The following STAB2 variants were observed in gnomAD, a reference collection of about 807,000 sequenced individuals.
STAB2 encodes the protein stabilin 2.
In STAB2, 288 loss-of-function variants were observed where a neutral mutation model predicts 338.1. The ratio of observed to expected loss-of-function variants is 0.85; its 90% CI spans 0.77 to 0.94. The LOEUF is 0.94. Ranked by LOEUF, STAB2 falls within the 40% of genes least tolerant of loss-of-function variation. The probability of loss-of-function intolerance (pLI) is 0.00; values close to 1 mark genes in which losing one functional copy is unlikely to be tolerated. For missense variants in STAB2, 3,141 were observed against 3,210.1 expected, an observed-to-expected ratio of 0.98 and a Z score of 0.52; for synonymous variants, 1,202 against 1,193.3, an observed-to-expected ratio of 1.01 and a Z score of -0.15.
intron 3 of STAB2, among the ~76,000 whole-genome samples, chr12:103,613,366 C>A (rs927860151): frequency 6.6e-6 from 1 of 152,198 alleles, no homozygotes. Flanking sequence ...CTTTGTTTAC[C>A]TGCTGAAGCC....
intron 3 of STAB2, among the ~76,000 whole-genome samples, chr12:103,609,711 C>T (rs1957091237): frequency 6.6e-6 from 1 of 152,130 alleles, no homozygotes; most frequent in Admixed American, 6.5e-5. Flanking sequence ...CTGGCCAGAA[C>T]TTCCAACACT....
intron 3 of STAB2, among the ~76,000 whole-genome samples, chr12:103,619,569 T>C (rs1054893271): frequency 3.9e-5 from 6 of 152,160 alleles, no homozygotes; most frequent in African/African-American, 1.4e-4. Context: ...CCTGAATGTT[T>C]AGTGAATGTC....
At chr12:103,681,438 G>A (rs1383068270) in intron 25 of STAB2, among the ~76,000 whole-genome samples, 1 of 151,964 alleles carries the variant, frequency 6.6e-6, no homozygotes, top group Non-Finnish European at 1.5e-5. Flanking sequence ...GTGTCATCAG[G>A]GTTGTTTCCA....
chr12:103,602,602 G>C (rs761021973), intron 3 of STAB2, among the ~76,000 whole-genome samples: 25 of 152,202 alleles, frequency 1.6e-4, no homozygotes, highest in African/African-American at 4.8e-5. Flanking sequence ...TGTATGAGGA[G>C]TCCAGTTGTT....
chr12:103,695,745 T>G lies in STAB2; in HGVS notation c.3483T>G (p.Asn1161Lys). The change falls in exon 33 of 69, where the codon AAT (asparagine) becomes AAG (lysine). Residue 1161 changes from asparagine (N) to lysine (K), a missense_variant. By Grantham distance (94) the Asn-to-Lys change is moderately conservative (BLOSUM62 0). Coordinates refer to ENST00000388887, the MANE Select transcript of STAB2 (RefSeq NM_017564.10). ...SIFRGYIIQYNLANAIEAADA... is the reference protein window; with the variant it reads ...SIFRGYIIQYKLANAIEAADA... ...GTCTCTTTCCATCGCAGCAATATAATCTGGCGAATGCAATTGAGGCTGCCG... is the reference window on the plus strand; with the variant it reads ...GTCTCTTTCCATCGCAGCAATATAAGCTGGCGAATGCAATTGAGGCTGCCG... The G allele has an allele frequency of 6.2e-7, 1 of 1,614,178 alleles. No homozygotes were observed. The highest frequency in any genetic ancestry group is 1.1e-5 in the South Asian group (1 of 91,086).
chr12:103,723,204 C>T (rs976442813), intron 44 of STAB2, among the ~76,000 whole-genome samples: 7 of 152,140 alleles, frequency 4.6e-5, no homozygotes, highest in African/African-American at 1.2e-4. Flanking sequence ...TCAATTTTCA[C>T]GCTGCTGATA....
At position 103,677,537 on chromosome 12, in the gene STAB2, A is replaced by T; in HGVS notation, c.2731A>T (p.Ile911Phe). 1.2e-6 allele frequency: 2 copies of T among 1,614,208 alleles called. No individual in the cohort carries two copies. The highest frequency in any genetic ancestry group is 1.7e-6 in the Non-Finnish European group (2 of 1,180,020). The stretch of plus-strand genomic sequence containing the variant: ...AGGGAATGGGAGAGACTGCTCGGAG[A>T]TCAACAACTGCCTGCTGCCCAGTGC... ...WTGNGRDCSE[I>F]NNCLLPSAGG... Residue 911 changes from isoleucine (I) to phenylalanine (F), a missense_variant, in exon 25 of 69, where the codon ATC becomes TTC. Transcript: ENST00000388887.
intron 30 of STAB2, among the ~76,000 whole-genome samples, chr12:103,691,898 A>T (rs1389102659): frequency 1.2e-5 from 1 of 85,730 alleles, no homozygotes; most frequent in Non-Finnish European, 2.1e-5. Context: ...GTTGGTGTTG[A>T]TTGGTGGCTG....
At position 103,635,982 on chromosome 12, in the gene STAB2, G is replaced by A. The variant is rs539997943; in HGVS notation, c.584-1129G>A. 9.7e-4 allele frequency among the ~76,000 whole-genome samples: 147 copies of A among 152,224 alleles called. 1 individual carries two copies. Among genetic ancestry groups the A allele is most frequent in the African/African-American group, 3.3e-3 (139 of 41,540 alleles). ...TGGAGGGAAGAAGGTTATACGTTGG[G>A]TACTTGTCTCAGCCCTAGTACAGTA... On this transcript the variant is annotated intron_variant, in intron 6 of 68. Transcript: ENST00000388887.
chr12:103,740,940 G>T (rs1174802255), intron 55 of STAB2, among the ~76,000 whole-genome samples, 184 bp downstream of exon 55: 1 of 152,018 alleles, frequency 6.6e-6, no homozygotes, highest in African/African-American at 2.4e-5. Context: ...TTTTTTTATC[G>T]AGTTGAGATC....
chr12:103,717,173 C>T (rs1036424302), intron 43 of STAB2, among the ~76,000 whole-genome samples: 4 of 152,080 alleles, frequency 2.6e-5, no homozygotes, highest in African/African-American at 9.7e-5. Context: ...GGGCTTCAGC[C>T]CAGTGGCCGG....
intron 24 of STAB2, 143 bp downstream of exon 24, chr12:103,676,164 C>T (rs1208502326): frequency 1.9e-5 from 10 of 519,828 alleles, no homozygotes; most frequent in Admixed American, 4.1e-5. Context: ...CGGATTCAAG[C>T]GATTCTCCTG....
Position 103,718,785 on chromosome 12 carries a change from A to G in STAB2, c.4683+944A>G, listed in dbSNP as rs150930690. Among the ~76,000 whole-genome samples, 704 of 152,338 alleles carry G rather than the reference A, an allele frequency of 4.6e-3. 3 individuals carry two copies. The highest frequency in any genetic ancestry group is 8.3e-3 in the Non-Finnish European group (566 of 68,026). On this transcript the variant is annotated intron_variant, in intron 44 of 68. Coordinates refer to ENST00000388887, the MANE Select transcript of STAB2 (RefSeq NM_017564.10). Reference sequence around the variant, plus strand: ...AGATGGGTTATCAACCCAGACAGCCATTTAGATTCCTCCCAGCCCTGATCC... The same window carrying G: ...AGATGGGTTATCAACCCAGACAGCCGTTTAGATTCCTCCCAGCCCTGATCC...
intron 18 of STAB2, among the ~76,000 whole-genome samples, chr12:103,665,897 C>G (rs1875044694): frequency 6.6e-6 from 1 of 152,214 alleles, no homozygotes; most frequent in African/African-American, 2.4e-5. Flanking sequence ...AGGACATGGC[C>G]TTAAGTCTGT....
At chr12:103,652,760 C>G in intron 12 of STAB2, 55 bp downstream of exon 12, 1 of 1,454,858 alleles carries the variant, frequency 6.9e-7, no homozygotes, top group Non-Finnish European at 9.1e-7. Context: ...CAAGCCAATG[C>G]CCATATCCTT....
intron 47 of STAB2, among the ~76,000 whole-genome samples, chr12:103,728,239 C>T (rs1476094296): frequency 6.6e-6 from 1 of 152,112 alleles, no homozygotes; most frequent in East Asian, 1.9e-4. Flanking sequence ...GCAGCCTCTA[C>T]CTCCTGGGTT....
At chr12:103,658,552 C>A (rs1229825803) in intron 15 of STAB2, among the ~76,000 whole-genome samples, 1 of 152,054 alleles carries the variant, frequency 6.6e-6, no homozygotes, top group Non-Finnish European at 1.5e-5. Context: ...TAAATGCTTT[C>A]CTATAGAAGC....
Position 103,766,277 on chromosome 12 carries a change from C to T in STAB2, c.7606-9C>T. The T allele has an allele frequency of 6.2e-7, 1 of 1,614,142 alleles. No individual in the cohort carries two copies. The highest frequency in any genetic ancestry group is 8.5e-7 in the Non-Finnish European group (1 of 1,180,002). ...ATGCCCTGCCCCCTTACAACCCTCT[C>T]TTTTCCAGGACTCTGAAGAACGGCA... On this transcript the variant is annotated splice_polypyrimidine_tract_variant and intron_variant, in intron 68 of 68. Coordinates refer to ENST00000388887, the MANE Select transcript of STAB2 (RefSeq NM_017564.10).
In STAB2 at chr12:103,763,526, A is replaced by G; in HGVS notation, c.7523A>G (p.Lys2508Arg). The change falls in exon 68 of 69, where the codon AAG (lysine) becomes AGG (arginine). Residue 2508 changes from lysine to arginine, a missense_variant. By Grantham distance (26) the Lys-to-Arg change is conservative (BLOSUM62 2). Coordinates refer to ENST00000388887, the MANE Select transcript of STAB2 (RefSeq NM_017564.10). ...GACATTAATGTTGCAGCTCTTGGCA[A>G]GCAGCAGCCTGAGAATATCTCGAAC... is the stretch of plus-strand genomic sequence containing the variant. ...EEDINVAALG[K>R]QQPENISNPL... The G allele has an allele frequency of 1.2e-6, 2 of 1,614,130 alleles. No homozygotes were observed. Among genetic ancestry groups the G allele is most frequent in the Non-Finnish European group, 1.7e-6 (2 of 1,180,024 alleles).
Sources: gnomAD v4.1 joint callset for allele counts (sites outside exome capture counted in the v4.1 genomes callset) on GRCh38, gnomAD v4.1.1 for gene constraint, MANE v1.5 for transcripts, NCBI Gene and HGNC (gene_info 2026-07-23, HGNC 2026-07-21) for gene names.